The following SYN3 variants were observed in gnomAD, a reference collection of about 807,000 sequenced individuals.
SYN3 encodes synapsin III.
In SYN3, 35 loss-of-function variants were observed where a neutral mutation model predicts 65.8. The observed-to-expected ratio is 0.53, with a 90% CI of 0.41 to 0.70. The LOEUF is 0.70. Among genes scored for constraint, SYN3 ranks in the 30% least tolerant of loss-of-function variants. The probability of loss-of-function intolerance (pLI) is 0.00; values close to 1 mark genes in which losing one functional copy is unlikely to be tolerated. For synonymous variants in SYN3, 270 were observed against 292.9 expected, an observed-to-expected ratio of 0.92 and a Z score of 0.80; for missense variants, 680 against 749.0, an observed-to-expected ratio of 0.91 and a Z score of 1.08.
chr22:32,980,580 T>C (rs1392544210), intron 3 of SYN3, 65 bp downstream of exon 3: 3 of 1,469,386 alleles, frequency 2.0e-6, no homozygotes, highest in African/African-American at 2.8e-5. Context: ...CAAGATTGCA[T>C]GTAAGAACAG....
intron 1 of SYN3, among the ~76,000 whole-genome samples, chr22:33,049,647 G>A (rs931304136): frequency 2.6e-5 from 4 of 152,172 alleles, no homozygotes; most frequent in African/African-American, 9.7e-5. Context: ...TGGGAGCTAC[G>A]CTCTGGAAGC....
intron 6 of SYN3, among the ~76,000 whole-genome samples, chr22:32,728,587 T>C (rs1263139522): frequency 6.6e-6 from 1 of 152,174 alleles, no homozygotes; most frequent in East Asian, 1.9e-4. Flanking sequence ...CGAAAGAGAC[T>C]TGGTATAGGT....
chr22:32,795,423 G>A (rs1487463295), intron 6 of SYN3, among the ~76,000 whole-genome samples: 6 of 152,168 alleles, frequency 3.9e-5, no homozygotes, highest in African/African-American at 1.2e-4. Flanking sequence ...GTCATCCTTC[G>A]GAATGGGTAA....
chr22:32,534,322 T>C (rs961348493), intron 9 of SYN3, among the ~76,000 whole-genome samples: 6 of 151,896 alleles, frequency 4.0e-5, no homozygotes, highest in African/African-American at 1.5e-4. Context: ...CCTTTTCCCT[T>C]GGGAAAGCTG....
At chr22:33,041,622 G>A (rs1013500558) in intron 1 of SYN3, among the ~76,000 whole-genome samples, 4 of 152,062 alleles carry the variant, frequency 2.6e-5, no homozygotes, top group Non-Finnish European at 4.4e-5. Flanking sequence ...TTTCTAACCT[G>A]TGCCAGCTTC....
intron 6 of SYN3, among the ~76,000 whole-genome samples, chr22:32,659,326 A>G (rs993595149): frequency 6.6e-6 from 1 of 152,220 alleles, no homozygotes; most frequent in East Asian, 1.9e-4. Context: ...TGAAGCCACG[A>G]AGAGTGTGCT....
chr22:32,792,615 C>T (rs2046347186), intron 6 of SYN3, among the ~76,000 whole-genome samples: 1 of 152,108 alleles, frequency 6.6e-6, no homozygotes, highest in Non-Finnish European at 1.5e-5. Flanking sequence ...TAAGGAAGGG[C>T]ACACCCGCAC....
intron 6 of SYN3, among the ~76,000 whole-genome samples, chr22:32,667,547 C>G (rs1474151480): frequency 1.3e-5 from 2 of 152,144 alleles, no homozygotes; most frequent in East Asian, 3.9e-4. Context: ...TTGGGTAGGT[C>G]AAGTTCCTTA....
intron 6 of SYN3, among the ~76,000 whole-genome samples, chr22:32,839,874 G>C (rs1336892474): frequency 6.6e-6 from 1 of 151,942 alleles, no homozygotes; most frequent in African/African-American, 2.4e-5. Context: ...CCCCTTCCCG[G>C]CCCCTTCATT....
rs541699750 is a variant in SYN3, at chr22:32,616,017, C to A, written c.712-19281G>T. On this transcript the variant is annotated intron_variant, in intron 6 of 13. Transcript: ENST00000358763. Reference sequence around the variant, plus strand: ...TCACAACTGGCCTGGCAGACGGAGCCTTCCTAGACACCTGAAGTTCCCAGG... The same window carrying A: ...TCACAACTGGCCTGGCAGACGGAGCATTCCTAGACACCTGAAGTTCCCAGG... Among the ~76,000 whole-genome samples, 78 of 152,332 alleles carry A rather than the reference C, an allele frequency of 5.1e-4. 1 individual carries two copies. In the South Asian group the frequency reaches 0.016, roughly 31 times the overall value.
chr22:32,872,809 AG>A (rs1490028750), intron 4 of SYN3, among the ~76,000 whole-genome samples: 2 of 152,126 alleles, frequency 1.3e-5, no homozygotes, highest in African/African-American at 4.8e-5. Flanking sequence ...GACCTCCAGT[AG>A]TTACCGAGCC....
intron 7 of SYN3, among the ~76,000 whole-genome samples, chr22:32,557,281 C>T (rs183136997): frequency 9.3e-5 from 14 of 151,042 alleles, no homozygotes; most frequent in East Asian, 5.9e-4. Context: ...AAAGGGCATG[C>T]GGCTGAGGGG....
intron 13 of SYN3, among the ~76,000 whole-genome samples, chr22:32,517,643 C>G (rs1303611695): frequency 6.6e-6 from 1 of 152,060 alleles, no homozygotes; most frequent in Non-Finnish European, 1.5e-5. Context: ...AACTGGGTAT[C>G]CTATGTTTTA....
chr22:32,726,292 G>A (rs560608900), intron 6 of SYN3, among the ~76,000 whole-genome samples: 1 of 152,086 alleles, frequency 6.6e-6, no homozygotes, highest in East Asian at 1.9e-4. Context: ...ATAGGCATAC[G>A]CCACCACGCC....
intron 6 of SYN3, among the ~76,000 whole-genome samples, chr22:32,734,572 C>T (rs1442536031): frequency 9.2e-5 from 14 of 152,106 alleles, no homozygotes; most frequent in Admixed American, 8.5e-4. Flanking sequence ...GGCTGCCATG[C>T]TTCCTGCTGC....
chr22:32,868,655 C>G (rs1021490696), intron 5 of SYN3, among the ~76,000 whole-genome samples: 3 of 151,906 alleles, frequency 2.0e-5, no homozygotes, highest in African/African-American at 7.3e-5. Context: ...TTCTCCATGT[C>G]GGTCAGGCTG....
intron 3 of SYN3, among the ~76,000 whole-genome samples, chr22:32,966,118 C>T (rs558101346): frequency 2.2e-4 from 34 of 152,068 alleles, no homozygotes; most frequent in Non-Finnish European, 3.8e-4. Flanking sequence ...CTACAGGGAG[C>T]GAGGGGCAGG....
chr22:32,950,081 T>A (rs745729935), intron 3 of SYN3, among the ~76,000 whole-genome samples: 1 of 152,196 alleles, frequency 6.6e-6, no homozygotes, highest in African/African-American at 2.4e-5. Context: ...TGGTCCAGAC[T>A]GTACCCTTAA....
intron 6 of SYN3, among the ~76,000 whole-genome samples, chr22:32,660,375 C>T (rs901811195): frequency 3.9e-5 from 6 of 152,206 alleles, no homozygotes; most frequent in African/African-American, 1.2e-4. Context: ...ACACTTGCCC[C>T]AGGTGCAGCA....
Sources: gnomAD v4.1 joint callset for allele counts (sites outside exome capture counted in the v4.1 genomes callset) on GRCh38, gnomAD v4.1.1 for gene constraint, MANE v1.5 for transcripts, NCBI Gene and HGNC (gene_info 2026-07-23, HGNC 2026-07-21) for gene names.